Variants in NCAM1 observed in about 807,000 individuals in gnomAD.
The protein encoded by NCAM1 is neural cell adhesion molecule 1.
NCAM1 carries 14 observed loss-of-function variants against 109.8 expected under a neutral mutation model. The ratio of observed to expected loss-of-function variants is 0.13; its 90% CI spans 0.08 to 0.20. NCAM1 has a LOEUF of 0.20. NCAM1 is among the 10% of genes least tolerant of loss of function. NCAM1 has a pLI of 1.00. For missense variants in NCAM1, 774 were observed against 1,109.9 expected (o/e 0.70, Z 4.30); for synonymous variants, 418 against 442.9 (o/e 0.94, Z 0.70).
chr11:113,270,549 G>C (rs1946244418), intron 18 of NCAM1, 154 bp downstream of exon 18: 3 of 702,122 alleles, frequency 4.3e-6, no homozygotes, highest in Non-Finnish European at 7.1e-6. Context: ...TTAGAGAAAA[G>C]TTTCTCAAAG....
At chr11:112,966,789 C>T (rs1191104891) in intron 1 of NCAM1, among the ~76,000 whole-genome samples, 11 of 152,198 alleles carry the variant, frequency 7.2e-5, no homozygotes, top group Admixed American at 3.3e-4. Context: ...AGTTTCAATA[C>T]GTTACATTTA....
chr11:113,094,497 G>A (rs566226171), intron 1 of NCAM1, among the ~76,000 whole-genome samples: 1 of 152,134 alleles, frequency 6.6e-6, no homozygotes, highest in African/African-American at 2.4e-5. Context: ...TTCATTTGCT[G>A]TGCTTGTGAA....
intron 1 of NCAM1, among the ~76,000 whole-genome samples, chr11:113,084,037 C>T (rs1323859481): frequency 2.0e-5 from 3 of 152,070 alleles, no homozygotes; most frequent in South Asian, 2.1e-4. Flanking sequence ...CTAGGAAACA[C>T]GAAAGTAGTT....
chr11:113,255,976 G>A lies in NCAM1; in HGVS notation c.1928G>A (p.Arg643Lys). 1 of 1,604,060 alleles carries A rather than the reference G, an allele frequency of 6.2e-7. No individual in the cohort carries two copies. The highest frequency in any genetic ancestry group is 8.5e-7 in the Non-Finnish European group (1 of 1,175,400). ...CAGGATGACGGCGGCTCCCCCATCA[G>A]ACACTATCTGGTCAGGTACCGAGCG... is the stretch of plus-strand genomic sequence containing the variant. ...IKQDDGGSPI[R>K]HYLVRYRALS... Residue 643 changes from arginine to lysine, a missense_variant, in exon 16 of 20, where the codon AGA becomes AAA. By Grantham distance (26) the Arg-to-Lys change is conservative. Coordinates refer to ENST00000316851, the MANE Select transcript of NCAM1 (RefSeq NM_181351.5).
intron 8 of NCAM1, among the ~76,000 whole-genome samples, chr11:113,220,702 G>T (rs1482252334): frequency 6.8e-6 from 1 of 146,622 alleles, no homozygotes; most frequent in Non-Finnish European, 1.5e-5. Flanking sequence ...TGCCTTCCGG[G>T]TTCACGCCAT....
intron 1 of NCAM1, among the ~76,000 whole-genome samples, chr11:113,077,863 T>G (rs896876192): frequency 6.6e-6 from 1 of 152,076 alleles, no homozygotes; most frequent in African/African-American, 2.4e-5. Context: ...ATTTTTGTAT[T>G]TTTAGTAGAG....
intron 1 of NCAM1, among the ~76,000 whole-genome samples, chr11:113,044,631 G>A (rs1953199953): frequency 6.6e-6 from 1 of 152,020 alleles, no homozygotes; most frequent in Non-Finnish European, 1.5e-5. Flanking sequence ...GTTGCAATGA[G>A]CCACGATCGC....
At chr11:113,059,009 T>C (rs1555083064) in intron 1 of NCAM1, among the ~76,000 whole-genome samples, 2 of 152,240 alleles carry the variant, frequency 1.3e-5, no homozygotes, top group Non-Finnish European at 1.5e-5. Context: ...AATACATTTG[T>C]GCTCTGGACA....
At chr11:112,979,699 G>C (rs1951101770) in intron 1 of NCAM1, among the ~76,000 whole-genome samples, 1 of 151,762 alleles carries the variant, frequency 6.6e-6, no homozygotes, top group Non-Finnish European at 1.5e-5. Flanking sequence ...TTTAGCTTGA[G>C]TGACTCCATT....
At chr11:113,076,400 TG>T (rs1375646557) in intron 1 of NCAM1, among the ~76,000 whole-genome samples, 7 of 152,288 alleles carry the variant, frequency 4.6e-5, no homozygotes, top group African/African-American at 1.7e-4. Context: ...TGCATAGCCA[TG>T]GCCCCTCTAG....
At chr11:113,011,437 C>T (rs576810214) in intron 1 of NCAM1, among the ~76,000 whole-genome samples, 185 of 151,466 alleles carry the variant, frequency 1.2e-3, no homozygotes, top group African/African-American at 4.2e-3. Flanking sequence ...GTGCATGTGT[C>T]TTTATAGCAG....
chr11:113,072,998 C>A (rs1402909665), intron 1 of NCAM1, among the ~76,000 whole-genome samples: 1 of 152,000 alleles, frequency 6.6e-6, no homozygotes, highest in African/African-American at 2.4e-5. Context: ...AACTCTATAC[C>A]CATTAAACAA....
intron 15 of NCAM1, among the ~76,000 whole-genome samples, chr11:113,253,653 G>T (rs1260456044): frequency 6.6e-6 from 1 of 152,132 alleles, no homozygotes; most frequent in Non-Finnish European, 1.5e-5. Context: ...CGTGCAGCCA[G>T]GGAGGCCCCA....
intron 1 of NCAM1, among the ~76,000 whole-genome samples, chr11:112,969,149 G>A (rs557092307): frequency 1.3e-5 from 2 of 152,218 alleles, no homozygotes; most frequent in South Asian, 4.1e-4. Flanking sequence ...CAGGAAGAAG[G>A]GGTGATCTGG....
chr11:113,262,818 C>T (rs782279582), intron 17 of NCAM1: 2 of 1,612,496 alleles, frequency 1.2e-6, no homozygotes, highest in Non-Finnish European at 1.7e-6. Flanking sequence ...CACATTATCT[C>T]TGGGGACCCA....
intron 1 of NCAM1, among the ~76,000 whole-genome samples, chr11:112,995,929 G>A (rs565076122): frequency 2.0e-4 from 31 of 152,256 alleles, no homozygotes; most frequent in African/African-American, 6.7e-4. Flanking sequence ...CCTGACCACC[G>A]GCAGGGCTGA....
chr11:113,170,283 C>T (rs1942950921), intron 1 of NCAM1, among the ~76,000 whole-genome samples: 1 of 152,188 alleles, frequency 6.6e-6, no homozygotes, highest in South Asian at 2.1e-4. Flanking sequence ...ATAAGGGTCA[C>T]AGCACTTTGC....
rs141167637 is a variant in NCAM1, at chr11:113,015,533, A to G, written c.52+53869A>G. 3.4e-3 allele frequency among the ~76,000 whole-genome samples: 521 copies of G among 152,128 alleles called. 4 individuals are homozygous for G. Among genetic ancestry groups the G allele is most frequent in the African/African-American group, 0.012 (503 of 41,520 alleles). ...GGTGTGTCATCTGAAATCAGGAGTT[A>G]GAGACCAGCCTGGCCAACATGGTGA... On this transcript the variant is annotated intron_variant, in intron 1 of 19. Transcript: ENST00000316851.
intron 1 of NCAM1, among the ~76,000 whole-genome samples, chr11:113,174,263 C>A (rs1310765670): frequency 6.6e-6 from 1 of 152,180 alleles, no homozygotes; most frequent in Non-Finnish European, 1.5e-5. Context: ...TCAACACTTC[C>A]TGAGTGATTG....
Sources: allele counts gnomAD v4.1 joint callset (sites outside exome capture counted in the v4.1 genomes callset), GRCh38; gene constraint gnomAD v4.1.1; transcripts MANE v1.5; gene names NCBI Gene and HGNC (gene_info 2026-07-23, HGNC 2026-07-21).